The following SLC36A2 variants were observed in gnomAD, a reference collection of about 807,000 sequenced individuals.
SLC36A2 encodes solute carrier family 36 member 2.
Under a neutral mutation model 42.7 loss-of-function variants are expected in SLC36A2, and 39 were observed. The observed-to-expected ratio is 0.91, with a 90% CI of 0.71 to 1.19. SLC36A2 has a LOEUF of 1.19. Among genes scored for constraint, SLC36A2 ranks in the 50% most tolerant of loss-of-function variants. The pLI is 0.00. For synonymous variants in SLC36A2, 237 were observed against 240.8 expected (o/e 0.98, Z 0.15); for missense variants, 590 against 613.7 (o/e 0.96, Z 0.41).
chr5:151,345,989 C>G (rs1756481534), intron 1 of SLC36A2, among the ~76,000 whole-genome samples: 3 of 152,230 alleles, frequency 2.0e-5, no homozygotes, highest in Non-Finnish European at 4.4e-5. Flanking sequence ...TGGTAAGCAG[C>G]TAAGTGGGAA....
chr5:151,346,047 C>T (rs1175696085), intron 1 of SLC36A2, among the ~76,000 whole-genome samples: 5 of 152,172 alleles, frequency 3.3e-5, no homozygotes, highest in Admixed American at 6.5e-5. Context: ...TTACTCAGCC[C>T]GTTATTTGGC....
rs990976477 is a variant in SLC36A2 at position 151,322,143 on chromosome 5, A to G, written c.1083T>C (p.Pro361=). 6.2e-7 allele frequency: 1 copy of G among 1,614,188 alleles called. No homozygotes were observed. Among genetic ancestry groups the G allele is most frequent in the Non-Finnish European group, 8.5e-7 (1 of 1,180,040 alleles). Residue 361 remains proline (P), a synonymous_variant, in exon 9 of 10, where the codon CCT becomes CCC. Transcript: ENST00000335244. The part of the protein sequence containing the change: ...LCTYALQFYV[P]AEIIIPFAIS... ...TGGCAAAGGGGATGATGATTTCTGCAGGGACGTAGAACTGCAGGGCATAGG... is the reference window on the plus strand; with the variant it reads ...TGGCAAAGGGGATGATGATTTCTGCGGGGACGTAGAACTGCAGGGCATAGG...
intron 6 of SLC36A2, among the ~76,000 whole-genome samples, chr5:151,334,083 T>G (rs1184300456): frequency 6.6e-6 from 1 of 152,172 alleles, no homozygotes; most frequent in Non-Finnish European, 1.5e-5. Context: ...TCTATATACC[T>G]TGTGACCCAG....
chr5:151,335,427 C>T lies in SLC36A2; in HGVS notation c.646G>A (p.Val216Ile). The T allele has an allele frequency of 1.2e-6, 2 of 1,614,094 alleles. No individual in the cohort carries two copies. The highest frequency in any genetic ancestry group is 1.1e-5 in the South Asian group (1 of 91,078). Reference sequence around the variant, plus strand: ...AAGATCCTGAGGTTCCGGATGAGGACCAGCAGCACCAGGAAGGGCAGGAAG... The same window carrying T: ...AAGATCCTGAGGTTCCGGATGAGGATCAGCAGCACCAGGAAGGGCAGGAAG... ...LSFLPFLVLL[V>I]LIRNLRILTI... The change falls in exon 6 of 10, where the codon GTC becomes ATC. Residue 216 changes from valine (V) to isoleucine (I), a missense_variant. By Grantham distance (29) the Val-to-Ile change is conservative. Transcript: ENST00000335244.
intron 7 of SLC36A2, among the ~76,000 whole-genome samples, chr5:151,332,219 A>G (rs71588012): frequency 2.0e-5 from 3 of 152,212 alleles, no homozygotes; most frequent in Non-Finnish European, 4.4e-5. Flanking sequence ...AGAGGAGAAG[A>G]CAAGAATAAG....
At chr5:151,338,833 C>T in intron 5 of SLC36A2, 1 of 421,068 alleles carries the variant, frequency 2.4e-6, no homozygotes, top group South Asian at 2.1e-5. Context: ...CAGTAGAGAT[C>T]AACTTTGAGA....
At chr5:151,340,185 A>AGGAGG (rs765763784) in intron 4 of SLC36A2, among the ~76,000 whole-genome samples, 3 of 87,448 alleles carry the variant, frequency 3.4e-5, no homozygotes, top group Non-Finnish European at 6.2e-5. Flanking sequence ...GAGGAGGAGG[A>AGGAGG]AGAGGTGGAG....
chr5:151,339,341 T>C (rs1391525300), intron 4 of SLC36A2, among the ~76,000 whole-genome samples, 197 bp from the exon 5 acceptor site: 3 of 149,492 alleles, frequency 2.0e-5, no homozygotes, highest in Non-Finnish European at 3.0e-5. Context: ...TTAGAAGGAG[T>C]TTTGCTCTTG....
intron 7 of SLC36A2, among the ~76,000 whole-genome samples, chr5:151,327,764 C>T (rs1021095934): frequency 6.6e-6 from 1 of 152,190 alleles, no homozygotes; most frequent in South Asian, 2.1e-4. Context: ...CTCTCTCTCT[C>T]TCTCTCCACA....
Position 151,316,789 on chromosome 5 carries a change from T to C in SLC36A2, c.*28A>G. On this transcript the variant is annotated 3_prime_UTR_variant, in exon 10 of 10. Coordinates refer to ENST00000335244, the MANE Select transcript of SLC36A2 (RefSeq NM_181776.3). ...GAGATCCATATAATTAAAAGTCGGG[T>C]GCTGGTAGGCAAGGAGCAGTGCCAG... 2 of 1,508,618 alleles carry C rather than the reference T, an allele frequency of 1.3e-6. No homozygotes were observed. The highest frequency in any genetic ancestry group is 1.8e-6 in the Non-Finnish European group (2 of 1,102,420). The allele number at this position is 1,508,618 out of a possible 1,614,324, so 93.5% of individuals were successfully genotyped here.
chr5:151,317,114 T>C (rs757459211), intron 9 of SLC36A2, 26 bp from the exon 10 acceptor site: 18 of 1,612,218 alleles, frequency 1.1e-5, no homozygotes, highest in Admixed American at 6.7e-5. Flanking sequence ...AGTGGAGAGA[T>C]GGAGCATTCC....
Position 151,335,552 on chromosome 5 carries a change from G to C in SLC36A2, c.526-5C>G, listed in dbSNP as rs79924249. On this transcript the variant is annotated splice_region_variant and splice_polypyrimidine_tract_variant and intron_variant, in intron 5 of 9. Coordinates refer to ENST00000335244, the MANE Select transcript of SLC36A2 (RefSeq NM_181776.3). ...GCTATTAACAGCTTCCACTACCTGA[G>C]GAAGGAATGGGAGAGGCAAAAGGGG... 1 of 1,603,534 alleles carries C rather than the reference G, an allele frequency of 6.2e-7. No homozygotes were observed. Among genetic ancestry groups the C allele is most frequent in the Admixed American group, 1.7e-5 (1 of 60,008 alleles).
Position 151,322,554 on chromosome 5 carries a change from C to T in SLC36A2, c.1011-339G>A, listed in dbSNP as rs2127285933. 2.0e-5 allele frequency among the ~76,000 whole-genome samples: 3 copies of T among 152,338 alleles called. No individual in the cohort carries two copies. In the South Asian group the frequency reaches 6.2e-4, roughly 32 times the overall value. On this transcript the variant is annotated intron_variant, in intron 8 of 9. Coordinates refer to ENST00000335244, the MANE Select transcript of SLC36A2 (RefSeq NM_181776.3). The stretch of plus-strand genomic sequence containing the variant: ...GAGAGGCTCAGGCTCAGGCCAGATA[C>T]TTTGCCCAGGGAGACACAGATGATA...
At chr5:151,332,119 G>A (rs1488072927) in intron 7 of SLC36A2, among the ~76,000 whole-genome samples, 15 of 151,938 alleles carry the variant, frequency 9.9e-5, no homozygotes, top group African/African-American at 2.9e-4. Flanking sequence ...TGCCTGCCTC[G>A]GCCTCCCAAA....
chr5:151,332,362 A>G (rs1756022878), intron 7 of SLC36A2: 1 of 454,576 alleles, frequency 2.2e-6, no homozygotes, highest in African/African-American at 2.0e-5. Flanking sequence ...TCCAAAGAAG[A>G]TGTGCAAATT....
rs1325928971 is a variant in SLC36A2, at chr5:151,342,466, C to T, written c.440+422G>A. Among the ~76,000 whole-genome samples the T allele has an allele frequency of 2.0e-5, 3 of 152,300 alleles. No homozygotes were observed. In the East Asian group the frequency reaches 5.8e-4, roughly 29 times the overall value. On this transcript the variant is annotated intron_variant, in intron 4 of 9. Transcript: ENST00000335244. ...CCCAAGCCAACACACATCTCCTAAC[C>T]TGCCTGGTGGCAACCAGCCCTTCTT...
chr5:151,325,190 A>T, intron 8 of SLC36A2, 96 bp downstream of exon 8: 1 of 1,425,068 alleles, frequency 7.0e-7, no homozygotes, highest in Non-Finnish European at 9.6e-7. Context: ...GAGGCTCTCT[A>T]GACCTCAGTT....
At chr5:151,344,345 C>T (rs1756433859) in intron 1 of SLC36A2, 78 bp from the exon 2 acceptor site, 3 of 1,238,044 alleles carry the variant, frequency 2.4e-6, no homozygotes, top group African/African-American at 1.5e-5. Flanking sequence ...TGCAGCATGC[C>T]AGCACCTGAT....
intron 8 of SLC36A2, 42 bp from the exon 9 acceptor site, chr5:151,322,257 TTC>T: frequency 1.9e-6 from 3 of 1,608,158 alleles, no homozygotes; most frequent in Non-Finnish European, 8.5e-7. Flanking sequence ...GGCCACTGTG[TTC>T]TGACACTGGC....
Sources: allele counts gnomAD v4.1 joint callset (sites outside exome capture counted in the v4.1 genomes callset), GRCh38; gene constraint gnomAD v4.1.1; transcripts MANE v1.5; gene names NCBI Gene and HGNC (gene_info 2026-07-23, HGNC 2026-07-21).